The following FHIT variants were observed in gnomAD, a reference collection of about 807,000 sequenced individuals.
FHIT encodes the protein fragile histidine triad diadenosine triphosphatase, also known as bis(5'-adenosyl)-triphosphatase.
A neutral mutation model predicts 17.9 loss-of-function variants in FHIT; 19 were observed. The observed-to-expected ratio is 1.06, with a 90% CI of 0.74 to 1.56. The LOEUF (loss-of-function observed/expected upper bound fraction) is 1.56, where lower values mean the gene tolerates loss of function less well. Ranked by LOEUF, FHIT falls within the 40% of genes most tolerant of loss-of-function variation. The pLI is 0.00. For synonymous variants in FHIT, 81 were observed against 69.7 expected, an observed-to-expected ratio of 1.16 and a Z score of -0.81; for missense variants, 248 against 189.2, an observed-to-expected ratio of 1.31 and a Z score of -1.82.
intron 8 of FHIT, among the ~76,000 whole-genome samples, chr3:59,755,584 G>A (rs575440443): frequency 6.6e-6 from 1 of 152,308 alleles, no homozygotes; most frequent in South Asian, 2.1e-4. Context: ...GCCCACAGGG[G>A]AGGGCGGTGA....
At chr3:60,193,334 C>A (rs1426189639) in intron 5 of FHIT, among the ~76,000 whole-genome samples, 2 of 152,128 alleles carry the variant, frequency 1.3e-5, no homozygotes, top group Non-Finnish European at 2.9e-5. Context: ...CATGTAAGAG[C>A]CAGTGTTCAG....
chr3:61,222,280 A>T (rs1476782760), intron 1 of FHIT, among the ~76,000 whole-genome samples: 3 of 152,160 alleles, frequency 2.0e-5, no homozygotes. Flanking sequence ...AGGGTCCCTG[A>T]CCACTGGAAC....
chr3:60,515,723 G>A (rs531674966), intron 5 of FHIT, among the ~76,000 whole-genome samples: 28 of 152,082 alleles, frequency 1.8e-4, no homozygotes, highest in Non-Finnish European at 1.5e-4. Flanking sequence ...TCATATGGAC[G>A]AGAGAGAGTT....
chr3:60,183,729 G>C (rs1702041711), intron 5 of FHIT, among the ~76,000 whole-genome samples: 1 of 152,066 alleles, frequency 6.6e-6, no homozygotes, highest in Non-Finnish European at 1.5e-5. Context: ...AAGACCAACT[G>C]TGTCCAATCT....
chr3:60,718,722 A>C (rs2041742549), intron 4 of FHIT, among the ~76,000 whole-genome samples: 1 of 152,220 alleles, frequency 6.6e-6, no homozygotes, highest in African/African-American at 2.4e-5. Flanking sequence ...TGGAATGTTA[A>C]GAGTTGGGAG....
At chr3:60,977,700 C>T (rs1710322997) in intron 3 of FHIT, among the ~76,000 whole-genome samples, 2 of 152,054 alleles carry the variant, frequency 1.3e-5, no homozygotes, top group South Asian at 4.2e-4. Context: ...AGAGAAACCC[C>T]ATCTCTACTA....
intron 7 of FHIT, among the ~76,000 whole-genome samples, chr3:59,954,020 A>G (rs1042770623): frequency 7.2e-5 from 11 of 152,194 alleles, no homozygotes; most frequent in African/African-American, 2.7e-4. Flanking sequence ...CTTGTATTCC[A>G]GTGTTAATGC....
chr3:61,250,928 T>C (rs2040608107), intron 1 of FHIT, among the ~76,000 whole-genome samples: 1 of 152,174 alleles, frequency 6.6e-6, no homozygotes, highest in Non-Finnish European at 1.5e-5. Context: ...ACAGACCTGT[T>C]GGGACGGATT....
rs1700712479 is a variant in FHIT at position 59,748,382 on chromosome 3, G to A, written c.*1203C>T. 6.6e-6 allele frequency among the ~76,000 whole-genome samples: 1 copy of A among 152,068 alleles called. No homozygotes were observed. The highest frequency in any genetic ancestry group is 6.6e-5 in the Admixed American group (1 of 15,266). On this transcript the variant is annotated 3_prime_UTR_variant, in exon 10 of 10. Coordinates refer to ENST00000492590, the MANE Select transcript of FHIT (RefSeq NM_002012.4). The stretch of plus-strand genomic sequence containing the variant: ...GCATGTGGTCAGATGGTAAAGAAAA[G>A]AAAGTGGGAGGGTAGCCTAGGCAGG...
At chr3:60,154,267 A>C (rs778348357) in intron 5 of FHIT, among the ~76,000 whole-genome samples, 1 of 152,106 alleles carries the variant, frequency 6.6e-6, no homozygotes, top group Non-Finnish European at 1.5e-5. Context: ...GTCAATAAGC[A>C]TTCCTTCCTT....
intron 5 of FHIT, among the ~76,000 whole-genome samples, chr3:60,270,955 T>C (rs967452737): frequency 7.2e-5 from 11 of 152,166 alleles, no homozygotes; most frequent in Non-Finnish European, 1.6e-4. Context: ...GGTCTCAAAC[T>C]AGATAAACCG....
At position 61,041,462 on chromosome 3, in the gene FHIT, G is replaced by T. The variant is rs530714684; in HGVS notation, c.-111+585C>A. On this transcript the variant is annotated intron_variant, in intron 3 of 9. Transcript: ENST00000492590. ...GTCTGTGCGAGTCATCATTCCTCTT[G>T]GGTCTCTTGATTTATCTATCAATTA... is the stretch of plus-strand genomic sequence containing the variant. Among the ~76,000 whole-genome samples the T allele has an allele frequency of 5.9e-5, 9 of 151,504 alleles. 1 individual carries two copies. The South Asian group carries it at 1.9e-3, about 32-fold the overall frequency.
intron 5 of FHIT, among the ~76,000 whole-genome samples, chr3:60,423,019 A>G (rs1338702964): frequency 6.6e-6 from 1 of 152,156 alleles, no homozygotes; most frequent in East Asian, 1.9e-4. Flanking sequence ...TTAATACTAA[A>G]AAGAAATATT....
intron 5 of FHIT, among the ~76,000 whole-genome samples, chr3:60,172,132 G>C (rs1387477778): frequency 6.6e-6 from 1 of 152,156 alleles, no homozygotes; most frequent in Non-Finnish European, 1.5e-5. Context: ...AAGGCGCATG[G>C]CTCTTCAAAT....
intron 5 of FHIT, among the ~76,000 whole-genome samples, chr3:60,367,217 T>C (rs777624964): frequency 3.4e-4 from 52 of 152,188 alleles, no homozygotes; most frequent in Admixed American, 2.2e-3. Flanking sequence ...TCCTTTCAAT[T>C]AAGTCAGGTA....
At chr3:61,211,247 T>C (rs1181724351) in intron 1 of FHIT, among the ~76,000 whole-genome samples, 1 of 151,964 alleles carries the variant, frequency 6.6e-6, no homozygotes, top group Non-Finnish European at 1.5e-5. Context: ...CTCCCTTTCC[T>C]AGTCAAAGAA....
intron 4 of FHIT, among the ~76,000 whole-genome samples, chr3:60,611,588 A>G (rs1262186820): frequency 1.3e-5 from 2 of 152,188 alleles, no homozygotes; most frequent in South Asian, 2.1e-4. Flanking sequence ...CATGAGAGCA[A>G]TACGTGTTGT....
chr3:60,460,318 G>C (rs1438429146), intron 5 of FHIT, among the ~76,000 whole-genome samples: 1 of 152,054 alleles, frequency 6.6e-6, no homozygotes, highest in Non-Finnish European at 1.5e-5. Flanking sequence ...TATAAGGAAA[G>C]AAGTTCCACG....
intron 3 of FHIT, among the ~76,000 whole-genome samples, chr3:60,981,295 C>CTTTTTT (rs71100934): frequency 7.2e-5 from 9 of 124,500 alleles, no homozygotes; most frequent in Non-Finnish European, 1.3e-4. Flanking sequence ...TTCTTCCTTC[C>CTTTTTT]TTTTTTTTTT....
Sources: gnomAD v4.1 joint callset for allele counts (sites outside exome capture counted in the v4.1 genomes callset) on GRCh38, gnomAD v4.1.1 for gene constraint, MANE v1.5 for transcripts, NCBI Gene and HGNC (gene_info 2026-07-23, HGNC 2026-07-21) for gene names.